Variants in ASMTL observed in about 807,000 individuals in gnomAD.
The protein encoded by ASMTL is acetylserotonin O-methyltransferase like.
Under a neutral mutation model 60.3 loss-of-function variants are expected in ASMTL, and 57 were observed. The ratio of observed to expected loss-of-function variants is 0.95; its 90% CI spans 0.76 to 1.18. The LOEUF (loss-of-function observed/expected upper bound fraction) is 1.18, where lower values mean the gene tolerates loss of function less well. Ranked by LOEUF, ASMTL falls within the 50% of genes most tolerant of loss-of-function variation. The probability of loss-of-function intolerance (pLI) is 0.00; values close to 1 mark genes in which losing one functional copy is unlikely to be tolerated. For synonymous variants in ASMTL, 419 were observed against 373.0 expected (o/e 1.12, Z -1.42); for missense variants, 981 against 852.6 (o/e 1.15, Z -1.88).
chrX:1,443,913 G>A (rs754067986), intron 1 of ASMTL, among the ~76,000 whole-genome samples: 43 of 152,206 alleles, frequency 2.8e-4, no homozygotes, highest in African/African-American at 9.6e-4. Flanking sequence ...GACACACACC[G>A]CCATCTTGGA....
rs754345537 is a variant in ASMTL, at chrX:1,445,615, G to A, written c.94-3298C>T. ...TCAAGTTGCACCTCTCATTGTGGGC[G>A]GCAAGACACCCAGGTGCTGAGGCAA... On this transcript the variant is annotated intron_variant, in intron 1 of 12. Transcript: ENST00000381317. Among the ~76,000 whole-genome samples the A allele has an allele frequency of 2.8e-4, 43 of 151,952 alleles. No individual in the cohort carries two copies. The South Asian group carries it at 8.2e-3, about 29-fold the overall frequency.
At chrX:1,422,023 CATCT>C (rs1206018038) in intron 8 of ASMTL, among the ~76,000 whole-genome samples, 181 bp from the exon 9 acceptor site, 1 of 152,112 alleles carries the variant, frequency 6.6e-6, no homozygotes, top group East Asian at 1.9e-4. Flanking sequence ...AAACATCATC[CATCT>C]GACTATAGCA....
At position 1,437,346 on chromosome X, in the gene ASMTL, A is replaced by G. The variant is rs188412125; in HGVS notation, c.274-1588T>C. Among the ~76,000 whole-genome samples, 8 of 149,222 alleles carry G rather than the reference A, an allele frequency of 5.4e-5. No individual in the cohort carries two copies. In the East Asian group the frequency reaches 1.4e-3, roughly 26 times the overall value. On this transcript the variant is annotated intron_variant, in intron 3 of 12. Transcript: ENST00000381317. The stretch of plus-strand genomic sequence containing the variant: ...GTCCATTTCAGGCTGCTAAAACAAT[A>G]CTATAGACTGGGTGGCTTATAAACA...
At chrX:1,421,906 G>A in intron 8 of ASMTL, 64 bp from the exon 9 acceptor site, 1 of 1,471,232 alleles carries the variant, frequency 6.8e-7, no homozygotes, top group South Asian at 1.1e-5. Flanking sequence ...CTGACCGTAG[G>A]GGATGTATCA....
At chrX:1,442,417 CT>C (rs2149342319) in intron 1 of ASMTL, 100 bp from the exon 2 acceptor site, 1 of 1,347,230 alleles carries the variant, frequency 7.4e-7, no homozygotes, top group Admixed American at 2.0e-5. Flanking sequence ...GTTTGCTACA[CT>C]CCCCGACCCT....
chrX:1,405,443 G>T (rs1326239783), intron 12 of ASMTL, among the ~76,000 whole-genome samples: 2 of 151,844 alleles, frequency 1.3e-5, no homozygotes, highest in East Asian at 3.9e-4. Context: ...ATGGATGGGT[G>T]AATAGATAGT....
At chrX:1,429,650 C>T (rs1297757386) in intron 6 of ASMTL, among the ~76,000 whole-genome samples, 13 of 151,806 alleles carry the variant, frequency 8.6e-5, no homozygotes, top group East Asian at 5.9e-4. Flanking sequence ...ATAAAAAATT[C>T]GCCAGGCGTG....
intron 5 of ASMTL, 105 bp downstream of exon 5, chrX:1,434,917 G>C (rs1232174699): frequency 1.6e-5 from 20 of 1,235,822 alleles, no homozygotes; most frequent in Non-Finnish European, 2.2e-5. Context: ...CCCTCCACAG[G>C]TGGGGGTGAG....
intron 9 of ASMTL, 177 bp from the exon 10 acceptor site, chrX:1,419,291 G>T (rs1408350487): frequency 4.5e-6 from 1 of 221,192 alleles, no homozygotes; most frequent in South Asian, 1.6e-4. Flanking sequence ...TCTGTGTGGG[G>T]GCTGGGCTGG....
At chrX:1,447,273 G>GAC (rs201282752) in intron 1 of ASMTL, among the ~76,000 whole-genome samples, 1,999 of 152,292 alleles carry the variant, frequency 0.013, 39 homozygotes, top group African/African-American at 0.045. Flanking sequence ...TGCCATCTTC[G>GAC]ACACACACTG....
At chrX:1,423,705 C>A (rs1410651480) in intron 8 of ASMTL, among the ~76,000 whole-genome samples, 3 of 150,084 alleles carry the variant, frequency 2.0e-5, no homozygotes, top group Non-Finnish European at 1.5e-5. Context: ...TCCATTCCCC[C>A]ACCCAGCTAC....
chrX:1,422,893 C>T (rs530169634), intron 8 of ASMTL, among the ~76,000 whole-genome samples: 68 of 152,254 alleles, frequency 4.5e-4, no homozygotes, highest in African/African-American at 1.5e-3. Context: ...TTGGAACAAG[C>T]TTGCATGGTG....
intron 11 of ASMTL, among the ~76,000 whole-genome samples, chrX:1,413,370 G>T (rs1229715419): frequency 6.6e-6 from 1 of 152,144 alleles, no homozygotes; most frequent in East Asian, 1.9e-4. Flanking sequence ...AAAAAAGCAG[G>T]GAATTCAGGG....
In ASMTL at chrX:1,418,096, G is replaced by T. The variant is rs772014044; in HGVS notation, c.1399C>A (p.Arg467=). The change falls in exon 11 of 13, where the codon CGA becomes AGA. Residue 467 remains arginine (R), a synonymous_variant. Coordinates refer to ENST00000381317, the MANE Select transcript of ASMTL (RefSeq NM_004192.4). Reference sequence around the variant, plus strand: ...CGAGGGTACTCACGGGCCAGCTCTCGGGCCAGTGCACCCGTGCAGCCTGCG... The same window carrying T: ...CGAGGGTACTCACGGGCCAGCTCTCTGGCCAGTGCACCCGTGCAGCCTGCG... ...DVGGCTGALA[R]ELAREYPRMQ... The T allele has an allele frequency of 6.2e-7, 1 of 1,610,080 alleles. No individual in the cohort carries two copies. Among genetic ancestry groups the T allele is most frequent in the East Asian group, 2.2e-5 (1 of 44,774 alleles).
At chrX:1,416,399 G>A (rs1388768270) in intron 11 of ASMTL, among the ~76,000 whole-genome samples, 4 of 51,180 alleles carry the variant, frequency 7.8e-5, no homozygotes, top group African/African-American at 1.6e-4. Context: ...ACACACACAC[G>A]GACATACAGA....
chrX:1,450,968 G>C (rs2091358371), intron 1 of ASMTL, among the ~76,000 whole-genome samples: 1 of 144,692 alleles, frequency 6.9e-6, no homozygotes, highest in Non-Finnish European at 1.5e-5. Flanking sequence ...CCATCCCTAG[G>C]GGTCCTGGGT....
intron 1 of ASMTL, among the ~76,000 whole-genome samples, chrX:1,447,165 C>T (rs1285464524): frequency 1.3e-5 from 2 of 152,164 alleles, no homozygotes; most frequent in Non-Finnish European, 2.9e-5. Context: ...TTTGGTGACC[C>T]GTAATAACCA....
At chrX:1,412,894 G>A (rs1343634299) in intron 11 of ASMTL, 40 bp from the exon 12 acceptor site, 3 of 1,612,318 alleles carry the variant, frequency 1.9e-6, no homozygotes, top group South Asian at 1.1e-5. Context: ...GTCAGGTATG[G>A]AAGAAGCAGT....
In ASMTL at chrX:1,418,968, G is replaced by T. The variant is rs1355272197; in HGVS notation, c.1378+14C>A. 27 of 1,611,640 alleles carry T rather than the reference G, an allele frequency of 1.7e-5. No homozygotes were observed. Among genetic ancestry groups the T allele is most frequent in the Middle Eastern group, 2.2e-4 (1 of 4,452 alleles). On this transcript the variant is annotated intron_variant, in intron 10 of 12. Transcript: ENST00000381317. ...AACGAAAGTAAGGAGAGCCCTGGCG[G>T]GGGGGCCACCCACCTCCCACGTCGC...
Sources: allele counts gnomAD v4.1 joint callset (sites outside exome capture counted in the v4.1 genomes callset), GRCh38; gene constraint gnomAD v4.1.1; transcripts MANE v1.5; gene names NCBI Gene and HGNC (gene_info 2026-07-23, HGNC 2026-07-21).